Variants in DZIP3 observed in about 807,000 individuals in gnomAD.
DZIP3 encodes the protein E3 ubiquitin-protein ligase DZIP3.
In DZIP3, 118 loss-of-function variants were observed where a neutral mutation model predicts 162.0. The ratio of observed to expected loss-of-function variants is 0.73; its 90% CI spans 0.63 to 0.85. DZIP3 has a LOEUF of 0.85. Ranked by LOEUF, DZIP3 falls within the 40% of genes least tolerant of loss-of-function variation. DZIP3 has a pLI of 0.00. For synonymous variants in DZIP3, 438 were observed against 458.6 expected, an observed-to-expected ratio of 0.96 and a Z score of 0.57; for missense variants, 1,331 against 1,407.0, an observed-to-expected ratio of 0.95 and a Z score of 0.86.
chr3:108,683,622 C>T (rs142342640), intron 26 of DZIP3, among the ~76,000 whole-genome samples: 194 of 152,262 alleles, frequency 1.3e-3, no homozygotes, highest in African/African-American at 4.3e-3. Context: ...CTGGGAAGTA[C>T]GGTAATACCC....
rs776368963 is a variant in DZIP3, at chr3:108,686,513, G to T, written c.3078G>T (p.Arg1026=). 6.2e-7 allele frequency: 1 copy of T among 1,612,752 alleles called. No individual in the cohort carries two copies. Among genetic ancestry groups the T allele is most frequent in the Non-Finnish European group, 8.5e-7 (1 of 1,179,614 alleles). Reference sequence around the variant, plus strand: ...CTGTGCCTCCCAGTGCAGGTCTGCGGAGTGATCCCTCCATCATGAATTGGG... The same window carrying T: ...CTGTGCCTCCCAGTGCAGGTCTGCGTAGTGATCCCTCCATCATGAATTGGG... ...GDAVPPSAGL[R]SDPSIMNWER... The change falls in exon 28 of 33, where the codon CGG becomes CGT. Residue 1026 remains arginine, a synonymous_variant. Transcript: ENST00000361582.
chr3:108,685,045 CT>C (rs1944448623), intron 27 of DZIP3, among the ~76,000 whole-genome samples: 1 of 152,070 alleles, frequency 6.6e-6, no homozygotes, highest in Admixed American at 6.6e-5. Flanking sequence ...TTAATTGTTT[CT>C]TTTCTTTTCT....
rs1278898117 is a variant in DZIP3 at position 108,605,148 on chromosome 3, C to G, written c.-72-187C>G. On this transcript the variant is annotated intron_variant, in intron 1 of 32. Coordinates refer to ENST00000361582, the MANE Select transcript of DZIP3 (RefSeq NM_014648.4). ...TATGATTACAAATTGGTAAAATATA[C>G]CTATGCTTGGTAAAAAATAAGCATA... 2.0e-5 allele frequency among the ~76,000 whole-genome samples: 3 copies of G among 152,002 alleles called. No homozygotes were observed. In the East Asian group the frequency reaches 5.8e-4, roughly 29 times the overall value.
intron 12 of DZIP3, among the ~76,000 whole-genome samples, chr3:108,640,092 T>C (rs1234885682): frequency 6.6e-6 from 1 of 152,176 alleles, no homozygotes; most frequent in Admixed American, 6.5e-5. Flanking sequence ...TTTCCAGATA[T>C]TCACTTTTAG....
chr3:108,666,959 C>G (rs1304836478), intron 21 of DZIP3, among the ~76,000 whole-genome samples: 1 of 152,022 alleles, frequency 6.6e-6, no homozygotes, highest in African/African-American at 2.4e-5. Context: ...GCTCTCACTT[C>G]AAGATCCCAG....
At chr3:108,645,966 G>A (rs564756703) in intron 14 of DZIP3, among the ~76,000 whole-genome samples, 2 of 152,286 alleles carry the variant, frequency 1.3e-5, no homozygotes, top group Admixed American at 1.3e-4. Flanking sequence ...TCAATTCAAA[G>A]CATTTTAAGC....
intron 1 of DZIP3, among the ~76,000 whole-genome samples, chr3:108,594,660 G>A (rs1004748387): frequency 2.0e-5 from 3 of 151,544 alleles, no homozygotes; most frequent in Non-Finnish European, 2.9e-5. Flanking sequence ...TGTTCTTTCC[G>A]TTTTGCTCCC....
intron 3 of DZIP3, among the ~76,000 whole-genome samples, chr3:108,608,801 T>C (rs1373317079): frequency 2.0e-5 from 3 of 152,206 alleles, no homozygotes; most frequent in African/African-American, 7.2e-5. Flanking sequence ...ATATAATGAT[T>C]GATGTCCACT....
At chr3:108,631,133 C>A (rs1195507265) in intron 8 of DZIP3, among the ~76,000 whole-genome samples, 1 of 139,778 alleles carries the variant, frequency 7.2e-6, no homozygotes, top group African/African-American at 2.7e-5. Context: ...AAGCTGGCCT[C>A]AGGGTTTCCC....
chr3:108,688,834 G>T lies in DZIP3; in HGVS notation c.3426G>T (p.Glu1142Asp). Residue 1142 changes from glutamate (E) to aspartate (D), a missense_variant, in exon 31 of 33, where the codon GAG (glutamate) becomes GAT (aspartate). Coordinates refer to ENST00000361582, the MANE Select transcript of DZIP3 (RefSeq NM_014648.4). ...WEGASNPDEE[E>D]EEEEPCVICH... ...TGTATTTTCCCTAGGATGAGGAAGA[G>T]GAAGAAGAAGAGCCTTGTGTGATCT... 6.2e-7 allele frequency: 1 copy of T among 1,614,170 alleles called. No homozygotes were observed. Among genetic ancestry groups the T allele is most frequent in the Non-Finnish European group, 8.5e-7 (1 of 1,180,020 alleles).
intron 19 of DZIP3, among the ~76,000 whole-genome samples, chr3:108,654,623 T>C (rs930821217): frequency 6.6e-6 from 1 of 152,158 alleles, no homozygotes; most frequent in African/African-American, 2.4e-5. Context: ...AAGACTAGCA[T>C]AATCCTACTA....
chr3:108,668,560 C>A (rs1437407829), intron 21 of DZIP3, among the ~76,000 whole-genome samples: 1 of 151,896 alleles, frequency 6.6e-6, no homozygotes, highest in Non-Finnish European at 1.5e-5. Context: ...CAAAGGAAAA[C>A]AAGATGGCAG....
chr3:108,646,667 TA>T lies in DZIP3; in HGVS notation c.1792+22del. 1 of 1,513,948 alleles carries T rather than the reference TA, an allele frequency of 6.6e-7. No homozygotes were observed. Among genetic ancestry groups the T allele is most frequent in the Non-Finnish European group, 8.9e-7 (1 of 1,121,890 alleles). The allele number at this position is 1,513,948 out of a possible 1,614,324, so 93.8% of individuals were successfully genotyped here. ...CAGTCAGCGTAAGTATATTTAGAAA[TA>T]AAATGTGTAAATGACTTTTTAACAA... On this transcript the variant is annotated intron_variant, in intron 15 of 32. Coordinates refer to ENST00000361582, the MANE Select transcript of DZIP3 (RefSeq NM_014648.4).
chr3:108,611,898 G>C (rs1469855876), intron 4 of DZIP3, among the ~76,000 whole-genome samples: 1 of 151,454 alleles, frequency 6.6e-6, no homozygotes, highest in Admixed American at 6.6e-5. Context: ...TCAGGAGGTG[G>C]AGGTACAGTG....
intron 9 of DZIP3, among the ~76,000 whole-genome samples, chr3:108,633,945 ATCTC>A (rs1189753178): frequency 4.7e-5 from 7 of 148,036 alleles, no homozygotes; most frequent in African/African-American, 7.6e-5. Context: ...CTTCTGATAG[ATCTC>A]TCTCTCTGGA....
chr3:108,623,157 T>C (rs1941443242), intron 5 of DZIP3, among the ~76,000 whole-genome samples: 1 of 151,978 alleles, frequency 6.6e-6, no homozygotes, highest in South Asian at 2.1e-4. Context: ...CTTGGTGTTC[T>C]ATCCCACTGT....
intron 19 of DZIP3, among the ~76,000 whole-genome samples, chr3:108,657,536 T>G (rs914140232): frequency 1.3e-5 from 2 of 152,118 alleles, no homozygotes; most frequent in African/African-American, 2.4e-5. Context: ...TGCAAAAACA[T>G]GCCAAATTGT....
chr3:108,683,356 T>C (rs186885774), intron 26 of DZIP3, among the ~76,000 whole-genome samples: 24 of 152,314 alleles, frequency 1.6e-4, no homozygotes, highest in Middle Eastern at 3.4e-3. Context: ...CAAATGCCAG[T>C]CCAGTCTATC....
chr3:108,631,801 A>T (rs1941904122), intron 8 of DZIP3, among the ~76,000 whole-genome samples: 1 of 150,968 alleles, frequency 6.6e-6, no homozygotes, highest in Non-Finnish European at 1.5e-5. Flanking sequence ...TCTTTCTGGG[A>T]ATTGTTAAGG....
Sources: gnomAD v4.1 joint callset for allele counts (sites outside exome capture counted in the v4.1 genomes callset) on GRCh38, gnomAD v4.1.1 for gene constraint, MANE v1.5 for transcripts, NCBI Gene and HGNC (gene_info 2026-07-23, HGNC 2026-07-21) for gene names.